GABRR1: variants seen among roughly 807,000 people sequenced by gnomAD.
The protein encoded by GABRR1 is gamma-aminobutyric acid receptor subunit rho-1.
Under a neutral mutation model 55.5 loss-of-function variants are expected in GABRR1, and 59 were observed. The ratio of observed to expected loss-of-function variants is 1.06; its 90% CI spans 0.86 to 1.32. The LOEUF is 1.32. GABRR1 is among the 40% of genes most tolerant of loss of function. GABRR1 has a pLI of 0.00. For missense variants in GABRR1, 602 were observed against 619.1 expected, an observed-to-expected ratio of 0.97 and a Z score of 0.29; for synonymous variants, 213 against 226.0, an observed-to-expected ratio of 0.94 and a Z score of 0.51.
intron 1 of GABRR1, among the ~76,000 whole-genome samples, chr6:89,208,889 C>T (rs1472683252): frequency 2.0e-5 from 3 of 152,212 alleles, no homozygotes; most frequent in Non-Finnish European, 4.4e-5. Context: ...TGCCTGCAGC[C>T]AAAGGGCTGC....
chr6:89,190,437 T>C (rs1772051204), intron 5 of GABRR1, among the ~76,000 whole-genome samples, 190 bp from the exon 6 acceptor site: 1 of 152,248 alleles, frequency 6.6e-6, no homozygotes, highest in Admixed American at 6.5e-5. Flanking sequence ...TAGGCATTTA[T>C]GTTTAACCCA....
At chr6:89,212,974 A>G (rs1159045884) in intron 1 of GABRR1, among the ~76,000 whole-genome samples, 2 of 152,126 alleles carry the variant, frequency 1.3e-5, no homozygotes, top group African/African-American at 4.8e-5. Flanking sequence ...GCCCGGCCTG[A>G]GACAGTAAGT....
intron 3 of GABRR1, among the ~76,000 whole-genome samples, chr6:89,200,241 C>CTTTT (rs10603486): frequency 9.3e-5 from 8 of 86,332 alleles, no homozygotes; most frequent in African/African-American, 1.4e-4. Flanking sequence ...TTCTTTTTCC[C>CTTTT]TTTTTTTTTT....
chr6:89,219,275 G>A (rs1014619340), upstream of GABRR1, among the ~76,000 whole-genome samples: 2 of 152,006 alleles, frequency 1.3e-5, no homozygotes, highest in African/African-American at 4.8e-5. Flanking sequence ...CCCAAAAAAA[G>A]AAAAGAAAAT....
chr6:89,204,501 G>A, intron 1 of GABRR1: 2 of 430,464 alleles, frequency 4.6e-6, no homozygotes, highest in South Asian at 5.0e-5. Flanking sequence ...TTGAATGAAG[G>A]AAGGAATCAG....
Position 89,201,065 on chromosome 6 carries a change from C to T in GABRR1, c.280+94G>A, listed in dbSNP as rs538934679. 676 of 876,744 alleles carry T rather than the reference C, an allele frequency of 7.7e-4. 5 individuals are homozygous for T. In the South Asian group the frequency reaches 9.7e-3, roughly 13 times the overall value. 54.3% of individuals were successfully genotyped at this position (876,744 alleles called of 1,614,324 possible). ...GCACAACTGAGGCAGACCGGGTCAG[C>T]GGAGAGCAAAGCTGTGCTGTCCCTT... On this transcript the variant is annotated intron_variant, in intron 3 of 9. Transcript: ENST00000454853.
At chr6:89,199,502 G>A in intron 3 of GABRR1, 73 bp from the exon 4 acceptor site, 1 of 1,424,698 alleles carries the variant, frequency 7.0e-7, no homozygotes, top group South Asian at 1.2e-5. Flanking sequence ...TAGGCAAAAG[G>A]AGCATTTCCC....
intron 1 of GABRR1, among the ~76,000 whole-genome samples, chr6:89,210,620 A>G (rs950876271): frequency 6.6e-6 from 1 of 152,178 alleles, no homozygotes; most frequent in Admixed American, 6.5e-5. Flanking sequence ...CTCCCAAGCC[A>G]TGGGCACAGT....
At chr6:89,201,386 A>G in intron 2 of GABRR1, 121 bp from the exon 3 acceptor site, 1 of 651,914 alleles carries the variant, frequency 1.5e-6, no homozygotes, top group Non-Finnish European at 2.8e-6. Flanking sequence ...CTTTTAAGCT[A>G]TTGGACATCC....
intron 1 of GABRR1, among the ~76,000 whole-genome samples, chr6:89,209,592 G>A (rs981749942): frequency 5.3e-5 from 8 of 152,172 alleles, no homozygotes; most frequent in Admixed American, 2.6e-4. Context: ...TCTCGCCTGG[G>A]GAGTGGAGCA....
At chr6:89,211,194 CTT>C (rs1772824194) in intron 1 of GABRR1, among the ~76,000 whole-genome samples, 1 of 152,070 alleles carries the variant, frequency 6.6e-6, no homozygotes, top group Non-Finnish European at 1.5e-5. Context: ...GCACTACTAA[CTT>C]AAGAGAAAAT....
At chr6:89,203,749 C>T (rs746098341) in intron 1 of GABRR1, among the ~76,000 whole-genome samples, 101 of 152,284 alleles carry the variant, frequency 6.6e-4, no homozygotes, top group Non-Finnish European at 6.3e-4. Context: ...ACTGGTCTAC[C>T]CGGGCGTGAA....
chr6:89,200,987 G>A (rs142687823), intron 3 of GABRR1, among the ~76,000 whole-genome samples, 172 bp downstream of exon 3: 88 of 152,196 alleles, frequency 5.8e-4, no homozygotes, highest in East Asian at 1.5e-3. Context: ...AACCCAGGGC[G>A]GGGCAAGACA....
chr6:89,190,214 G>T lies in GABRR1; in HGVS notation c.606C>A (p.Phe202Leu). Reference sequence around the variant, plus strand: ...TTTGTGTGTCCAAGGGAAATCGGCTGAAGTCCATGTTGCACATTGCAGTTA... The same window carrying T: ...TTTGTGTGTCCAAGGGAAATCGGCTTAAGTCCATGTTGCACATTGCAGTTA... The part of the protein sequence containing the change: ...VTVTAMCNMD[F>L]SRFPLDTQTC... The change falls in exon 6 of 10, where the codon TTC becomes TTA. Residue 202 changes from phenylalanine to leucine, a missense_variant. This residue lies in a region of GABRR1 where 435 missense variants were observed against 424.2 expected (regional missense o/e 1.03). Coordinates refer to ENST00000454853, the MANE Select transcript of GABRR1 (RefSeq NM_002042.5). 1 of 1,611,872 alleles carries T rather than the reference G, an allele frequency of 6.2e-7. No individual in the cohort carries two copies. The highest frequency in any genetic ancestry group is 1.1e-5 in the South Asian group (1 of 90,534).
Position 89,190,160 on chromosome 6 carries a change from C to G in GABRR1, c.655+5G>C. On this transcript the variant is annotated splice_donor_5th_base_variant and intron_variant, in intron 6 of 9. Coordinates refer to ENST00000454853, the MANE Select transcript of GABRR1 (RefSeq NM_002042.5). ...GTGCTGATGCCCGGGGACAAGTCTA[C>G]TCACAGCTTTCAATTTCAAGAGAGC... 6.2e-7 allele frequency: 1 copy of G among 1,605,818 alleles called. No individual in the cohort carries two copies. The highest frequency in any genetic ancestry group is 1.3e-5 in the African/African-American group (1 of 74,704).
At chr6:89,184,962 T>A (rs191178133) in intron 7 of GABRR1, among the ~76,000 whole-genome samples, 122 of 150,044 alleles carry the variant, frequency 8.1e-4, no homozygotes, top group Non-Finnish European at 1.5e-3. Context: ...CTCAGCTCAC[T>A]GTAACCTCCG....
At chr6:89,201,498 G>C (rs1031371177) in intron 2 of GABRR1, among the ~76,000 whole-genome samples, 4 of 152,208 alleles carry the variant, frequency 2.6e-5, no homozygotes, top group African/African-American at 9.6e-5. Context: ...CTGATGCCTG[G>C]GCCGGGTGCG....
chr6:89,221,839 G>A (rs924486888), upstream of GABRR1, among the ~76,000 whole-genome samples: 40 of 152,174 alleles, frequency 2.6e-4, no homozygotes, highest in Non-Finnish European at 4.0e-4. Flanking sequence ...TTCAGTTCCT[G>A]ATGCAGCTGC....
At chr6:89,189,508 T>G (rs1772017817) in intron 6 of GABRR1, among the ~76,000 whole-genome samples, 1 of 90,942 alleles carries the variant, frequency 1.1e-5, no homozygotes. Context: ...CTGGGGACTG[T>G]GGTGGGGTGG....
Sources: allele counts gnomAD v4.1 joint callset (sites outside exome capture counted in the v4.1 genomes callset), GRCh38; gene constraint gnomAD v4.1.1; regional missense constraint gnomAD v4.1.1; transcripts MANE v1.5; gene names NCBI Gene and HGNC (gene_info 2026-07-23, HGNC 2026-07-21).